RBFOX1: variants seen among roughly 807,000 people sequenced by gnomAD.
RBFOX1 encodes the protein RNA binding fox-1 homolog 1.
Under a neutral mutation model 57.7 loss-of-function variants are expected in RBFOX1, and 8 were observed. The ratio of observed to expected loss-of-function variants is 0.14; its 90% CI spans 0.08 to 0.25. RBFOX1 has a LOEUF of 0.25. Among genes scored for constraint, RBFOX1 ranks in the 10% least tolerant of loss-of-function variants. The probability of loss-of-function intolerance (pLI) is 1.00; values close to 1 mark genes in which losing one functional copy is unlikely to be tolerated. For missense variants in RBFOX1, 611 were observed against 548.5 expected (o/e 1.11, Z -1.14); for synonymous variants, 326 against 222.4 (o/e 1.47, Z -4.15).
intron 4 of RBFOX1, among the ~76,000 whole-genome samples, chr16:5,987,430 G>T (rs2060305312): frequency 6.6e-6 from 1 of 151,998 alleles, no homozygotes; most frequent in African/African-American, 2.4e-5. Context: ...ATCATGTTTT[G>T]GCCTGAAAGC....
intron 3 of RBFOX1, among the ~76,000 whole-genome samples, chr16:7,039,383 G>A (rs1345846805): frequency 6.6e-6 from 1 of 152,152 alleles, no homozygotes; most frequent in Non-Finnish European, 1.5e-5. Flanking sequence ...AAGGTTAAGA[G>A]GAAAACATCG....
chr16:6,189,723 C>G (rs1015942320), intron 1 of RBFOX1, among the ~76,000 whole-genome samples: 2 of 152,110 alleles, frequency 1.3e-5, no homozygotes, highest in African/African-American at 4.8e-5. Flanking sequence ...ACTCTGACTC[C>G]TAGAATTCGT....
In RBFOX1 at chr16:7,506,184, C is replaced by CAAAAAA. The variant is rs552568132; in HGVS notation, c.28-11935_28-11930dup. Among the ~76,000 whole-genome samples, 49 of 49,938 alleles carry CAAAAAA rather than the reference C, an allele frequency of 9.8e-4. 3 individuals carry two copies. The highest frequency in any genetic ancestry group is 3.1e-3 in the African/African-American group (42 of 13,596). 32.8% of individuals were successfully genotyped at this position (49,938 alleles called of 152,430 possible). ...TGGGTGACAGAGCAAGACTCTGTCT[C>CAAAAAA]AAAAAAAAAAAAAAAAAAAAAAAAA... On this transcript the variant is annotated intron_variant, in intron 4 of 15. Coordinates refer to ENST00000550418, the MANE Select transcript of RBFOX1 (RefSeq NM_018723.4).
At chr16:6,367,899 A>T (rs1232594873) in intron 2 of RBFOX1, among the ~76,000 whole-genome samples, 6 of 152,222 alleles carry the variant, frequency 3.9e-5, no homozygotes, top group Non-Finnish European at 8.8e-5. Flanking sequence ...TGTGAAACTC[A>T]AACCCTTGTT....
intron 1 of RBFOX1, among the ~76,000 whole-genome samples, chr16:5,394,013 A>G (rs149525894): frequency 2.6e-5 from 4 of 151,808 alleles, no homozygotes; most frequent in South Asian, 2.1e-4. Flanking sequence ...TAGCATAGCC[A>G]TTTCTTTTTC....
At chr16:7,041,363 G>A (rs1029192889) in intron 3 of RBFOX1, among the ~76,000 whole-genome samples, 2 of 152,000 alleles carry the variant, frequency 1.3e-5, no homozygotes, top group African/African-American at 4.8e-5. Flanking sequence ...CTCTCAAAGG[G>A]CAATGCATTT....
chr16:7,325,073 C>T (rs2096593849), intron 4 of RBFOX1, among the ~76,000 whole-genome samples: 1 of 152,162 alleles, frequency 6.6e-6, no homozygotes, highest in South Asian at 2.1e-4. Context: ...TTCATTTGAG[C>T]AATTAGCGGT....
At chr16:7,041,997 G>A (rs183943477) in intron 3 of RBFOX1, among the ~76,000 whole-genome samples, 1 of 152,228 alleles carries the variant, frequency 6.6e-6, no homozygotes, top group Admixed American at 6.5e-5. Context: ...TCAAGGACTG[G>A]ACTTCCTTAG....
At chr16:5,568,206 G>C (rs2046141127) in intron 2 of RBFOX1, among the ~76,000 whole-genome samples, 1 of 152,132 alleles carries the variant, frequency 6.6e-6, no homozygotes, top group African/African-American at 2.4e-5. Flanking sequence ...CCACCACACT[G>C]CACTTCAGGT....
At chr16:6,058,879 TC>T (rs2095649978) in intron 1 of RBFOX1, among the ~76,000 whole-genome samples, 10 of 142,026 alleles carry the variant, frequency 7.0e-5, no homozygotes, top group Non-Finnish European at 1.5e-5. Context: ...CATCCATCCA[TC>T]CAGCTATCAT....
chr16:7,099,245 A>C (rs1042467002), intron 4 of RBFOX1, among the ~76,000 whole-genome samples: 5 of 152,176 alleles, frequency 3.3e-5, no homozygotes, highest in African/African-American at 9.7e-5. Flanking sequence ...GGGAGGGTAG[A>C]TACAGGGCAG....
At chr16:6,458,954 G>T (rs932854305) in intron 2 of RBFOX1, among the ~76,000 whole-genome samples, 2 of 152,162 alleles carry the variant, frequency 1.3e-5, no homozygotes, top group Non-Finnish European at 2.9e-5. Flanking sequence ...GTGGAAATGT[G>T]CCCACACTTC....
chr16:7,618,701 C>G (rs1480682638), intron 10 of RBFOX1, among the ~76,000 whole-genome samples: 1 of 151,916 alleles, frequency 6.6e-6, no homozygotes, highest in Non-Finnish European at 1.5e-5. Flanking sequence ...TGTTTAATAC[C>G]CTTTCTGTTA....
intron 2 of RBFOX1, among the ~76,000 whole-genome samples, chr16:6,526,855 A>AAAAAAAAAC (rs2096586906): frequency 7.2e-6 from 1 of 138,662 alleles, no homozygotes; most frequent in Non-Finnish European, 1.5e-5. Flanking sequence ...AAAAAAAAAA[A>AAAAAAAAAC]AAAACAACCA....
chr16:6,272,658 G>A (rs918450627), intron 1 of RBFOX1, among the ~76,000 whole-genome samples: 12 of 152,172 alleles, frequency 7.9e-5, no homozygotes, highest in African/African-American at 2.9e-4. Flanking sequence ...TATAAAGTGG[G>A]AGAAATGAGT....
chr16:7,291,594 C>G (rs191093349), intron 4 of RBFOX1, among the ~76,000 whole-genome samples: 1 of 152,124 alleles, frequency 6.6e-6, no homozygotes, highest in East Asian at 1.9e-4. Context: ...CTTCCATTAA[C>G]AAACAGGTAA....
At chr16:5,676,012 G>C (rs2050158372) in intron 3 of RBFOX1, among the ~76,000 whole-genome samples, 1 of 152,140 alleles carries the variant, frequency 6.6e-6, no homozygotes, top group South Asian at 2.1e-4. Flanking sequence ...CATGTTCTCA[G>C]TCATAAGTGG....
In RBFOX1 at chr16:6,914,474, G is replaced by T. The variant is rs115425443; in HGVS notation, c.-15-137583G>T. On this transcript the variant is annotated intron_variant, in intron 3 of 15. Coordinates refer to ENST00000550418, the MANE Select transcript of RBFOX1 (RefSeq NM_018723.4). ...TGCATTAATAAGAACACAGACCTAG[G>T]TGTCTCACCTCCACCTCCTACCTGA... 9.8e-3 allele frequency among the ~76,000 whole-genome samples: 1,488 copies of T among 151,990 alleles called. 27 individuals carry two copies. Among genetic ancestry groups the T allele is most frequent in the African/African-American group, 0.033 (1,382 of 41,432 alleles).
intron 4 of RBFOX1, among the ~76,000 whole-genome samples, chr16:7,421,547 A>G (rs556033766): frequency 2.6e-5 from 4 of 152,326 alleles, no homozygotes; most frequent in Admixed American, 1.3e-4. Context: ...GTCTGATGAT[A>G]TTACTGCTCT....
Sources: gnomAD v4.1 joint callset for allele counts (sites outside exome capture counted in the v4.1 genomes callset) on GRCh38, gnomAD v4.1.1 for gene constraint, MANE v1.5 for transcripts, NCBI Gene and HGNC (gene_info 2026-07-23, HGNC 2026-07-21) for gene names.